NCKAP5: variants seen among roughly 807,000 people sequenced by gnomAD.
The protein encoded by NCKAP5 is nck-associated protein 5.
In NCKAP5, 92 loss-of-function variants were observed where a neutral mutation model predicts 167.0. The observed-to-expected ratio is 0.55, with a 90% CI of 0.47 to 0.66. NCKAP5 has a LOEUF of 0.66. Ranked by LOEUF, NCKAP5 falls within the 30% of genes least tolerant of loss-of-function variation. The probability of loss-of-function intolerance (pLI) is 0.00; values close to 1 mark genes in which losing one functional copy is unlikely to be tolerated. For synonymous variants in NCKAP5, 891 were observed against 877.4 expected (o/e 1.02, Z -0.27); for missense variants, 2,378 against 2,315.0 (o/e 1.03, Z -0.56).
At chr2:132,871,640 T>C (rs1690825301) in intron 9 of NCKAP5, among the ~76,000 whole-genome samples, 1 of 152,192 alleles carries the variant, frequency 6.6e-6, no homozygotes, top group Admixed American at 6.5e-5. Context: ...GCAGTTGCCC[T>C]ATAGGCTTAG....
chr2:133,452,785 G>A lies in NCKAP5; in HGVS notation c.69+64673C>T, dbSNP rs1485533567. Reference sequence around the variant, plus strand: ...AGGACTTGTTTTTACATGCCCTCCCGTGATGTCCCAGACCCAAGCCTTGCC... The same window carrying A: ...AGGACTTGTTTTTACATGCCCTCCCATGATGTCCCAGACCCAAGCCTTGCC... On this transcript the variant is annotated intron_variant, in intron 3 of 19. Coordinates refer to ENST00000409261, the MANE Select transcript of NCKAP5 (RefSeq NM_207363.3). Among the ~76,000 whole-genome samples, 7 of 152,174 alleles carry A rather than the reference G, an allele frequency of 4.6e-5. No individual in the cohort carries two copies. In the East Asian group the frequency reaches 5.8e-4, roughly 13 times the overall value.
chr2:132,875,606 T>C (rs1283866734), intron 9 of NCKAP5, among the ~76,000 whole-genome samples: 1 of 152,220 alleles, frequency 6.6e-6, no homozygotes, highest in Non-Finnish European at 1.5e-5. Flanking sequence ...GATGTTATTT[T>C]ACTTATTTTA....
intron 2 of NCKAP5, among the ~76,000 whole-genome samples, chr2:133,549,291 A>T (rs1687055435): frequency 6.6e-6 from 1 of 151,056 alleles, no homozygotes; most frequent in South Asian, 2.1e-4. Flanking sequence ...CAGACTATAC[A>T]TTTTTTTTCA....
chr2:133,659,791 A>G, the NCKAP5 span, among the ~76,000 whole-genome samples: 1 of 152,194 alleles, frequency 6.6e-6, no homozygotes, highest in East Asian at 1.9e-4. Flanking sequence ...CTGATACCTC[A>G]ATAAACTTAA....
At chr2:133,142,616 T>C (rs2083042222) in intron 5 of NCKAP5, among the ~76,000 whole-genome samples, 1 of 152,126 alleles carries the variant, frequency 6.6e-6, no homozygotes, top group Admixed American at 6.6e-5. Flanking sequence ...GCAAGAGCTA[T>C]TTTTCCACAT....
intron 3 of NCKAP5, among the ~76,000 whole-genome samples, chr2:133,387,028 G>A (rs189327876): frequency 6.6e-6 from 1 of 152,306 alleles, no homozygotes; most frequent in East Asian, 1.9e-4. Context: ...TTTAATTGGA[G>A]CATTTAGCCC....
intron 6 of NCKAP5, chr2:133,123,756 G>A: frequency 2.1e-6 from 1 of 471,124 alleles, no homozygotes; most frequent in Middle Eastern, 3.2e-4. Context: ...CTTGTCCAAA[G>A]GTCAATTGAC....
At chr2:132,896,391 C>A (rs946616709) in intron 8 of NCKAP5, among the ~76,000 whole-genome samples, 1 of 152,188 alleles carries the variant, frequency 6.6e-6, no homozygotes. Flanking sequence ...GATTCATACA[C>A]CACCCTTGTT....
At chr2:133,071,470 A>C (rs77275740) in intron 6 of NCKAP5, among the ~76,000 whole-genome samples, 2,191 of 152,268 alleles carry the variant, frequency 0.014, 47 homozygotes, top group African/African-American at 0.045. Context: ...AACAAACAAA[A>C]AAAAATCACA....
intron 16 of NCKAP5, among the ~76,000 whole-genome samples, chr2:132,771,881 C>A (rs1191939230): frequency 8.0e-6 from 1 of 124,300 alleles, no homozygotes; most frequent in Non-Finnish European, 1.6e-5. Context: ...TTAGTAGAGA[C>A]AGGGTTTCAC....
At chr2:133,642,801 A>G in the NCKAP5 span, among the ~76,000 whole-genome samples, 1 of 152,264 alleles carries the variant, frequency 6.6e-6, no homozygotes, top group Non-Finnish European at 1.5e-5. Context: ...AGTTGGTTCA[A>G]TCATTTATAG....
At chr2:133,621,672 C>T in the NCKAP5 span, among the ~76,000 whole-genome samples, 1 of 152,034 alleles carries the variant, frequency 6.6e-6, no homozygotes, top group African/African-American at 2.4e-5. Context: ...AGTCCAGGAC[C>T]AGACAGATTC....
chr2:133,474,947 A>C (rs370233563), intron 3 of NCKAP5, among the ~76,000 whole-genome samples: 7 of 152,120 alleles, frequency 4.6e-5, no homozygotes, highest in East Asian at 1.9e-4. Flanking sequence ...AGTAGCTGGA[A>C]TTACAGGTGC....
intron 6 of NCKAP5, among the ~76,000 whole-genome samples, chr2:133,042,049 A>T (rs900615442): frequency 2.6e-5 from 4 of 152,146 alleles, no homozygotes; most frequent in African/African-American, 9.7e-5. Context: ...TTTATGACAT[A>T]CTTGATGATT....
At chr2:132,703,795 A>C (rs1688099063) in intron 19 of NCKAP5, among the ~76,000 whole-genome samples, 1 of 152,228 alleles carries the variant, frequency 6.6e-6, no homozygotes, top group Non-Finnish European at 1.5e-5. Flanking sequence ...TGTGGAAATA[A>C]GCTAGATGAT....
At chr2:133,402,446 G>A (rs1462557634) in intron 3 of NCKAP5, among the ~76,000 whole-genome samples, 1 of 152,164 alleles carries the variant, frequency 6.6e-6, no homozygotes, top group Non-Finnish European at 1.5e-5. Context: ...TAATAATTTA[G>A]TAACAAAGTA....
At chr2:133,641,521 A>C in the NCKAP5 span, among the ~76,000 whole-genome samples, 1 of 152,216 alleles carries the variant, frequency 6.6e-6, no homozygotes, top group Non-Finnish European at 1.5e-5. Context: ...AGCAGCCCAG[A>C]GTCAGGCACC....
At chr2:133,220,584 A>C (rs2086620006) in intron 4 of NCKAP5, among the ~76,000 whole-genome samples, 1 of 152,110 alleles carries the variant, frequency 6.6e-6, no homozygotes, top group Non-Finnish European at 1.5e-5. Flanking sequence ...TACCACTGAC[A>C]CCTCTGCAAG....
At chr2:132,754,368 A>G (rs1478476898) in intron 16 of NCKAP5, among the ~76,000 whole-genome samples, 1 of 147,510 alleles carries the variant, frequency 6.8e-6, no homozygotes, top group Non-Finnish European at 1.5e-5. Context: ...TAAATAATCA[A>G]ACAAAGCCAC....
Sources: allele counts gnomAD v4.1 joint callset (sites outside exome capture counted in the v4.1 genomes callset), GRCh38; gene constraint gnomAD v4.1.1; transcripts MANE v1.5; gene names NCBI Gene and HGNC (gene_info 2026-07-23, HGNC 2026-07-21).